Variants in NCSTN observed in about 807,000 individuals in gnomAD.
NCSTN encodes nicastrin.
NCSTN carries 22 observed loss-of-function variants against 87.0 expected under a neutral mutation model. The ratio of observed to expected loss-of-function variants is 0.25; its 90% CI spans 0.18 to 0.36. The LOEUF (loss-of-function observed/expected upper bound fraction) is 0.36, where lower values mean the gene tolerates loss of function less well. Among genes scored for constraint, NCSTN ranks in the 10% least tolerant of loss-of-function variants. The probability of loss-of-function intolerance (pLI) is 1.00; values close to 1 mark genes in which losing one functional copy is unlikely to be tolerated. For missense variants in NCSTN, 693 were observed against 883.3 expected, an observed-to-expected ratio of 0.78 and a Z score of 2.73; for synonymous variants, 306 against 327.1, an observed-to-expected ratio of 0.94 and a Z score of 0.69.
At chr1:160,353,977 G>A (rs1473160705) in intron 10 of NCSTN, 141 bp from the exon 11 acceptor site, 2 of 957,080 alleles carry the variant, frequency 2.1e-6, no homozygotes, top group Admixed American at 2.3e-5. Context: ...GTCCCAAAAG[G>A]CTTGAGGGAT....
At chr1:160,343,960 T>TTTTG (rs1648284163) in intron 1 of NCSTN, 2 of 263,130 alleles carry the variant, frequency 7.6e-6, no homozygotes, top group Non-Finnish European at 1.5e-5. Context: ...TCAGGTTTTT[T>TTTTG]TTTTTTTTTT....
chr1:160,344,818 G>T lies in NCSTN; in HGVS notation c.182G>T (p.Gly61Val). Reference sequence around the variant, plus strand: ...CTGCTCAACGCCACTCATCAGATTGGCTGCCAGTGTGAGTTGAGATGGATT... The same window carrying T: ...CTGCTCAACGCCACTCATCAGATTGTCTGCCAGTGTGAGTTGAGATGGATT... Reference protein sequence around the residue: ...VRLLNATHQIGCQSSISGDTG... With the variant: ...VRLLNATHQIVCQSSISGDTG... The change falls in exon 2 of 17, where the codon GGC becomes GTC. Residue 61 changes from glycine (G) to valine (V), a missense_variant. This residue lies in a region of NCSTN where 235 missense variants were observed against 233.9 expected (regional missense o/e 1.00). Transcript: ENST00000294785. The T allele has an allele frequency of 6.2e-7, 1 of 1,613,398 alleles. No individual in the cohort carries two copies. The highest frequency in any genetic ancestry group is 1.1e-5 in the South Asian group (1 of 91,024).
At chr1:160,354,383 C>T (rs1366504832) in intron 11 of NCSTN, 93 bp downstream of exon 11, 5 of 1,349,662 alleles carry the variant, frequency 3.7e-6, no homozygotes, top group South Asian at 1.2e-5. Context: ...CTTTCCCACA[C>T]TACCCCCTCC....
At chr1:160,356,935 C>T in intron 15 of NCSTN, 106 bp from the exon 16 acceptor site, 2 of 1,377,830 alleles carry the variant, frequency 1.5e-6, no homozygotes, top group Non-Finnish European at 2.1e-6. Flanking sequence ...AAAGGGACAG[C>T]AGCCAGTTAG....
At chr1:160,349,150 A>ACTAGATGTATCTGCTGGGAAG (rs1648691856) in intron 3 of NCSTN, 28 bp downstream of exon 3, 1 of 1,612,444 alleles carries the variant, frequency 6.2e-7, no homozygotes, top group African/African-American at 1.3e-5. Flanking sequence ...CTGCTGGGAA[A>ACTAGATGTATCTGCTGGGAAG]ACATCCATAG....
intron 1 of NCSTN, 91 bp from the exon 2 acceptor site, chr1:160,344,631 T>G: frequency 6.4e-7 from 1 of 1,572,536 alleles, no homozygotes; most frequent in East Asian, 2.3e-5. Flanking sequence ...TATTAAATGA[T>G]TTACCCAAGC....
At chr1:160,356,992 T>C (rs200078783) in intron 15 of NCSTN, 49 bp from the exon 16 acceptor site, 17 of 1,536,256 alleles carry the variant, frequency 1.1e-5, no homozygotes, top group Non-Finnish European at 1.4e-5. Context: ...AGGGAACGAG[T>C]GAGAAGAGGA....
intron 8 of NCSTN, 128 bp from the exon 9 acceptor site, chr1:160,352,759 A>G (rs934782255): frequency 3.2e-5 from 24 of 755,322 alleles, no homozygotes; most frequent in South Asian, 4.4e-5. Context: ...CATGACTGTA[A>G]GCTGACTAGC....
chr1:160,356,373 C>A, intron 14 of NCSTN, 26 bp downstream of exon 14: 1 of 1,556,240 alleles, frequency 6.4e-7, no homozygotes, highest in Non-Finnish European at 8.9e-7. Flanking sequence ...GGGAATGGGA[C>A]CCTTAGCTGA....
intron 13 of NCSTN, 101 bp from the exon 14 acceptor site, chr1:160,356,159 C>A: frequency 8.7e-7 from 1 of 1,151,368 alleles, no homozygotes; most frequent in South Asian, 1.3e-5. Context: ...GTCTATCTGG[C>A]CAGTCTGGTT....
Position 160,343,959 on chromosome 1 carries a change from T to G in NCSTN, c.85+478T>G, listed in dbSNP as rs1309077900. 4.7e-5 allele frequency: 12 copies of G among 257,600 alleles called. No individual in the cohort carries two copies. The East Asian group carries it at 1.2e-3, about 27-fold the overall frequency. The allele number at this position is 257,600 out of a possible 1,614,324, so 16.0% of individuals were successfully genotyped here. A position where few individuals can be genotyped will look rare whatever the true frequency, so the allele number is the denominator to read the frequency against. On this transcript the variant is annotated intron_variant, in intron 1 of 16. Transcript: ENST00000294785. Reference sequence around the variant, plus strand: ...GTCCCCCTGCCTTGCCTCAGGTTTTTTTTTTTTTTTTTTTTTTAATCAGTA... The same window carrying G: ...GTCCCCCTGCCTTGCCTCAGGTTTTGTTTTTTTTTTTTTTTTTAATCAGTA...
chr1:160,351,407 A>C (rs753523708), intron 6 of NCSTN, 35 bp downstream of exon 6: 1 of 1,609,004 alleles, frequency 6.2e-7, no homozygotes, highest in South Asian at 1.1e-5. Flanking sequence ...GTAATGGAAT[A>C]AGGGGCAGAG....
chr1:160,346,409 C>T (rs1031538126), intron 2 of NCSTN, among the ~76,000 whole-genome samples: 1 of 152,166 alleles, frequency 6.6e-6, no homozygotes, highest in Non-Finnish European at 1.5e-5. Flanking sequence ...TTTCCTGAAG[C>T]CTTCTTCCCA....
chr1:160,345,992 G>C (rs1331001369), intron 2 of NCSTN, among the ~76,000 whole-genome samples: 1 of 144,694 alleles, frequency 6.9e-6, no homozygotes, highest in Non-Finnish European at 1.5e-5. Context: ...AGAGGAATTA[G>C]TGAAGCATTC....
In NCSTN at chr1:160,354,429, G is replaced by A. The variant is rs145918025; in HGVS notation, c.1352+139G>A. ...GTCCATCTGTATTCTTTGCTCAGTG[G>A]CGTTTTCACATCTGAACTGAAACCC... On this transcript the variant is annotated intron_variant, in intron 11 of 16. Transcript: ENST00000294785. The A allele has an allele frequency of 2.3e-3, 2,164 of 941,328 alleles. 36 individuals carry two copies. In the African/African-American group the frequency reaches 0.028, roughly 12 times the overall value. 58.3% of individuals were successfully genotyped at this position (941,328 alleles called of 1,614,324 possible). A position where few individuals can be genotyped will look rare whatever the true frequency, so the allele number is the denominator to read the frequency against.
rs926453200 is a variant in NCSTN, at chr1:160,353,220, G to A, written c.1162G>A (p.Glu388Lys). The A allele has an allele frequency of 1.2e-6, 2 of 1,614,038 alleles. No individual in the cohort carries two copies. The highest frequency in any genetic ancestry group is 2.7e-5 in the African/African-American group (2 of 74,908). Residue 388 changes from glutamate to lysine, a missense_variant, in exon 10 of 17, where the codon GAG becomes AAG. Physicochemically the swap from Glu to Lys is moderately conservative, Grantham distance 56. Coordinates refer to ENST00000294785, the MANE Select transcript of NCSTN (RefSeq NM_015331.3). Reference sequence around the variant, plus strand: ...CACAGATCCTGTTTCTCAGAAAAATGAGTCTGTACGGAACCAGGTAACCTG... The same window carrying A: ...CACAGATCCTGTTTCTCAGAAAAATAAGTCTGTACGGAACCAGGTAACCTG... ...MHTDPVSQKN[E>K]SVRNQVEDLL...
At position 160,349,594 on chromosome 1, in the gene NCSTN, T is replaced by C; in HGVS notation, c.360T>C (p.Gly120=). Residue 120 remains glycine, a synonymous_variant, in exon 4 of 17, where the codon GGT becomes GGC. Transcript: ENST00000294785. ...KLKGRTSRIA[G]LAVSLTKPSP... ...AAGGGAGAACCAGCCGAATTGCTGGTCTTGCAGTGTCCTTGACCAAGCCCA... is the reference window on the plus strand; with the variant it reads ...AAGGGAGAACCAGCCGAATTGCTGGCCTTGCAGTGTCCTTGACCAAGCCCA... 1.2e-6 allele frequency: 2 copies of C among 1,614,154 alleles called. No homozygotes were observed. Among genetic ancestry groups the C allele is most frequent in the Non-Finnish European group, 8.5e-7 (1 of 1,179,998 alleles).
rs746362895 is a variant in NCSTN, at chr1:160,351,683, G to C, written c.734-13G>C. ...TAGCCTTGTTGATCTCTCATTGTTT[G>C]TGTCCTGCTTAGAAATCGTCTGTGA... On this transcript the variant is annotated splice_polypyrimidine_tract_variant and intron_variant, in intron 6 of 16. Transcript: ENST00000294785. The C allele has an allele frequency of 9.6e-6, 15 of 1,564,562 alleles. No individual in the cohort carries two copies. Among genetic ancestry groups the C allele is most frequent in the Non-Finnish European group, 1.3e-5 (15 of 1,134,720 alleles).
chr1:160,346,048 G>A (rs1234721823), intron 2 of NCSTN, among the ~76,000 whole-genome samples: 2 of 151,616 alleles, frequency 1.3e-5, no homozygotes, highest in African/African-American at 2.4e-5. Flanking sequence ...TCAACTGACA[G>A]GCCGTTTATT....
Sources: allele counts gnomAD v4.1 joint callset (sites outside exome capture counted in the v4.1 genomes callset), GRCh38; gene constraint gnomAD v4.1.1; regional missense constraint gnomAD v4.1.1; transcripts MANE v1.5; gene names NCBI Gene and HGNC (gene_info 2026-07-23, HGNC 2026-07-21).